TSC2: variants seen among roughly 807,000 people sequenced by gnomAD.
The protein encoded by TSC2 is TSC complex subunit 2.
TSC2 carries 29 observed loss-of-function variants against 202.2 expected under a neutral mutation model. The ratio of observed to expected loss-of-function variants is 0.14; its 90% CI spans 0.11 to 0.20. The LOEUF is 0.20. TSC2 is among the 10% of genes least tolerant of loss of function. The probability of loss-of-function intolerance (pLI) is 1.00; values close to 1 mark genes in which losing one functional copy is unlikely to be tolerated. For synonymous variants in TSC2, 1,349 were observed against 1,044.0 expected (o/e 1.29, Z -5.63); for missense variants, 2,429 against 2,420.0 (o/e 1.00, Z -0.08).
chr16:2,086,113 C>G, intron 36 of TSC2, 80 bp from the exon 37 acceptor site: 2 of 1,557,354 alleles, frequency 1.3e-6, no homozygotes, highest in Non-Finnish European at 1.8e-6. Flanking sequence ...CCCGGCAGAG[C>G]CTGCTGGGCA....
rs142285430 is a variant in TSC2 at position 2,088,881 on chromosome 16, G to GCGCGCGCACACACACACACACA, written c.*272_*273insGCGCGCACACACACACACACAC. 2.4e-6 allele frequency: 1 copy of GCGCGCGCACACACACACACACA among 420,700 alleles called. No homozygotes were observed. The allele number at this position is 420,700 out of a possible 1,614,324, so 26.1% of individuals were successfully genotyped here. A position where few individuals can be genotyped will look rare whatever the true frequency, so the allele number is the denominator to read the frequency against. On this transcript the variant is annotated 3_prime_UTR_variant, in exon 42 of 42. Transcript: ENST00000219476. Reference sequence around the variant, plus strand: ...ACAGCACACTCGCGCGTGCGCGCGCGCACACACACACACACACAGTCACCT... The same window carrying GCGCGCGCACACACACACACACA: ...ACAGCACACTCGCGCGTGCGCGCGCGCGCGCGCACACACACACACACACACACACACACACACACAGTCACCT...
rs1055158485 is a variant in TSC2 at position 2,074,542 on chromosome 16, A to G, written c.2545+153A>G. On this transcript the variant is annotated intron_variant, in intron 22 of 41. Coordinates refer to ENST00000219476, the MANE Select transcript of TSC2 (RefSeq NM_000548.5). ...GCCTGGGCGTCTCTGCCCGGCTGCC[A>G]TGAGTGCTCTCCTTCCTGGCTTTGA... 4.3e-5 allele frequency: 40 copies of G among 930,298 alleles called. No homozygotes were observed. The Admixed American group carries it at 5.8e-4, about 14-fold the overall frequency. The allele number at this position is 930,298 out of a possible 1,614,324, so 57.6% of individuals were successfully genotyped here. A position where few individuals can be genotyped will look rare whatever the true frequency, so the allele number is the denominator to read the frequency against.
chr16:2,058,937 C>A (rs1440467141), intron 10 of TSC2, 64 bp downstream of exon 10: 15 of 1,571,232 alleles, frequency 9.5e-6, no homozygotes, highest in Non-Finnish European at 1.3e-5. Context: ...CGCCTGCCCA[C>A]CCATCCCACT....
rs754804519 is a variant in TSC2 at position 2,071,499 on chromosome 16, C to G, written c.1840-11C>G. On this transcript the variant is annotated splice_polypyrimidine_tract_variant and intron_variant, in intron 17 of 41. Transcript: ENST00000219476. ...GCTTGGCTCTGGCTTTCACCATCCT[C>G]TTCCTGACAGGCCTTTGACTTCCTG... 8.7e-6 allele frequency: 14 copies of G among 1,613,456 alleles called. No homozygotes were observed. In the East Asian group the frequency reaches 1.3e-4, roughly 15 times the overall value.
At chr16:2,065,223 C>G (rs1328940034) in intron 15 of TSC2, 1 of 372,852 alleles carries the variant, frequency 2.7e-6, no homozygotes, top group Non-Finnish European at 5.1e-6. Flanking sequence ...ACCATCCTGG[C>G]TAACACGGTG....
intron 3 of TSC2, among the ~76,000 whole-genome samples, chr16:2,051,547 C>T (rs962916394): frequency 1.3e-5 from 2 of 152,144 alleles, no homozygotes; most frequent in Non-Finnish European, 2.9e-5. Flanking sequence ...GCCAGACTTT[C>T]CTGATGACTT....
rs2086631801 is a variant in TSC2 at position 2,061,507 on chromosome 16, T to C, written c.1120-364T>C. Reference sequence around the variant, plus strand: ...AAGAAAGGCTTGTAGTTGTGGCTACTCTTGGCCCTCCTGCCCGAGCTTCCT... The same window carrying C: ...AAGAAAGGCTTGTAGTTGTGGCTACCCTTGGCCCTCCTGCCCGAGCTTCCT... On this transcript the variant is annotated intron_variant, in intron 11 of 41. Coordinates refer to ENST00000219476, the MANE Select transcript of TSC2 (RefSeq NM_000548.5). The C allele has an allele frequency of 1.0e-5, 4 of 386,500 alleles. No individual in the cohort carries two copies. The Admixed American group carries it at 1.1e-4, about 11-fold the overall frequency. 23.9% of individuals were successfully genotyped at this position (386,500 alleles called of 1,614,324 possible). A position where few individuals can be genotyped will look rare whatever the true frequency, so the allele number is the denominator to read the frequency against.
At chr16:2,061,208 A>T in intron 11 of TSC2, 1 of 322,692 alleles carries the variant, frequency 3.1e-6, no homozygotes, top group South Asian at 2.8e-5. Flanking sequence ...TTTAAGGAGG[A>T]CTCCACGGCC....
rs45517225 is a variant in TSC2 at position 2,072,956 on chromosome 16, C to T, written c.2328C>T (p.Tyr776=). 6 of 1,613,582 alleles carry T rather than the reference C, an allele frequency of 3.7e-6. No homozygotes were observed. The highest frequency in any genetic ancestry group is 1.1e-5 in the South Asian group (1 of 91,088). ...VVPVLTALIS[Y]HNYLDKTKQR... Reference sequence around the variant, plus strand: ...CAGTGCTGACAGCATTAATCTCTTACCATAACTACCTGGACAAAACCAAAC... The same window carrying T: ...CAGTGCTGACAGCATTAATCTCTTATCATAACTACCTGGACAAAACCAAAC... Residue 776 remains tyrosine (Y), a synonymous_variant, in exon 21 of 42, where the codon TAC becomes TAT. Transcript: ENST00000219476.
At chr16:2,078,619 A>C (rs2089720388) in intron 26 of TSC2, 2 of 303,070 alleles carry the variant, frequency 6.6e-6, no homozygotes, top group Non-Finnish European at 1.3e-5. Flanking sequence ...GTGACGGTGG[A>C]AGGCCACATG....
Position 2,079,775 on chromosome 16 carries a change from C to A in TSC2, c.3397+106C>A. 8.4e-7 allele frequency: 1 copy of A among 1,187,010 alleles called. No homozygotes were observed. Among genetic ancestry groups the A allele is most frequent in the Non-Finnish European group, 1.2e-6 (1 of 854,082 alleles). 73.5% of individuals were successfully genotyped at this position (1,187,010 alleles called of 1,614,324 possible). A position where few individuals can be genotyped will look rare whatever the true frequency, so the allele number is the denominator to read the frequency against. On this transcript the variant is annotated intron_variant, in intron 29 of 41. Transcript: ENST00000219476. This position sits in a 1 kb window ranked among gnomAD's most constrained non-coding sequence, Gnocchi z 4.6. ...CGAGCCCAGGGGCCGGGGTGGCTGG[C>A]TTCAGGCCCGGCCCACGTCCTGACT...
chr16:2,084,834 G>A (rs527370724), intron 34 of TSC2, 117 bp from the exon 35 acceptor site: 1 of 1,599,110 alleles, frequency 6.3e-7, no homozygotes, highest in Admixed American at 1.7e-5. Flanking sequence ...AGGGCTGGCT[G>A]GAACCCCTGG....
At chr16:2,060,328 G>T (rs2086473493) in intron 10 of TSC2, among the ~76,000 whole-genome samples, 1 of 152,174 alleles carries the variant, frequency 6.6e-6, no homozygotes, top group Non-Finnish European at 1.5e-5. Context: ...TAGGGGCGGT[G>T]GGGGGATGTT....
At chr16:2,071,370 G>A in intron 17 of TSC2, 140 bp from the exon 18 acceptor site, 1 of 788,808 alleles carries the variant, frequency 1.3e-6, no homozygotes. Flanking sequence ...TGTCTGTGTT[G>A]GGATGTGGGT....
intron 30 of TSC2, 63 bp downstream of exon 30, chr16:2,080,440 T>C (rs1015517136): frequency 2.5e-6 from 4 of 1,576,628 alleles, no homozygotes; most frequent in Non-Finnish European, 3.5e-6. Context: ...CTGTGGACAC[T>C]CAGGGGCGAT....
At chr16:2,086,128 C>A (rs2090754047) in intron 36 of TSC2, 65 bp from the exon 37 acceptor site, 1 of 1,597,708 alleles carries the variant, frequency 6.3e-7, no homozygotes, top group Non-Finnish European at 8.5e-7. Context: ...TGGGCACCCC[C>A]ACCCTCTGCG....
chr16:2,063,480 TC>T (rs2086892395), intron 14 of TSC2: 2 of 292,512 alleles, frequency 6.8e-6, no homozygotes, highest in Non-Finnish European at 1.3e-5. Context: ...CACTCCCTCC[TC>T]TGGGAGCTCT....
At chr16:2,083,541 G>A in intron 32 of TSC2, 154 bp from the exon 33 acceptor site, 1 of 1,348,090 alleles carries the variant, frequency 7.4e-7, no homozygotes, top group Non-Finnish European at 1.0e-6. Flanking sequence ...CGTCCTCCCT[G>A]CCCGCTCGGT....
chr16:2,055,842 G>T, intron 6 of TSC2: 3 of 438,704 alleles, frequency 6.8e-6, no homozygotes, highest in Non-Finnish European at 1.2e-5. Context: ...AGTGAGCGGA[G>T]ATCGTGCCAC....
Sources: gnomAD v4.1 joint callset for allele counts (sites outside exome capture counted in the v4.1 genomes callset) on GRCh38, gnomAD v4.1.1 for gene constraint, Gnocchi (gnomAD v3.1) non-coding constraint, MANE v1.5 for transcripts, NCBI Gene and HGNC (gene_info 2026-07-23, HGNC 2026-07-21) for gene names.